KLF3: variants seen among roughly 807,000 people sequenced by gnomAD.
The protein encoded by KLF3 is KLF transcription factor 3, also known as Krueppel-like factor 3.
KLF3 carries 6 observed loss-of-function variants against 32.7 expected under a neutral mutation model. The observed-to-expected ratio is 0.18, with a 90% CI of 0.10 to 0.36. The LOEUF is 0.36. KLF3 is among the 10% of genes least tolerant of loss of function. The pLI is 1.00. For missense variants in KLF3, 338 were observed against 449.7 expected (o/e 0.75, Z 2.25); for synonymous variants, 145 against 172.8 (o/e 0.84, Z 1.26).
intron 5 of KLF3, among the ~76,000 whole-genome samples, 162 bp downstream of exon 5, chr4:38,695,068 A>G (rs766042892): frequency 1.7e-4 from 26 of 152,232 alleles, no homozygotes; most frequent in Admixed American, 3.9e-4. Context: ...GATATTGCTA[A>G]TGATTTGCCT....
chr4:38,695,625 T>C (rs1723026399), intron 5 of KLF3, among the ~76,000 whole-genome samples: 1 of 152,146 alleles, frequency 6.6e-6, no homozygotes, highest in South Asian at 2.1e-4. Context: ...TGGTCCCAGC[T>C]CCTTGGGAGG....
chr4:38,676,959 T>G lies in KLF3; in HGVS notation c.-39-3628T>G, dbSNP rs866975826. Among the ~76,000 whole-genome samples, 290 of 66,076 alleles carry G rather than the reference T, an allele frequency of 4.4e-3. 1 individual carries two copies. Among genetic ancestry groups the G allele is most frequent in the South Asian group, 0.04 (31 of 770 alleles). The allele number at this position is 66,076 out of a possible 152,430, so 43.3% of individuals were successfully genotyped here. On this transcript the variant is annotated intron_variant, in intron 1 of 5. Coordinates refer to ENST00000261438, the MANE Select transcript of KLF3 (RefSeq NM_016531.6). ...CAGGTTCTGTTAGTGCCAGTGTGTT[T>G]TTTTTTTTTTTTTTTTTTGAGACCA... is the stretch of plus-strand genomic sequence containing the variant.
intron 1 of KLF3, 93 bp from the exon 2 acceptor site, chr4:38,680,494 G>C: frequency 1.6e-6 from 1 of 645,024 alleles, no homozygotes; most frequent in Non-Finnish European, 2.9e-6. Context: ...GATTACAGGG[G>C]TGAGCCACCT....
intron 1 of KLF3, chr4:38,664,997 C>T (rs1414772888): frequency 6.9e-6 from 1 of 145,374 alleles, no homozygotes; most frequent in East Asian, 2.1e-4. Context: ...TCCGCCCGCG[C>T]CCCCCGCCGC....
At position 38,674,917 on chromosome 4, in the gene KLF3, G is replaced by T. The variant is rs1029155087; in HGVS notation, c.-39-5670G>T. 6.6e-6 allele frequency among the ~76,000 whole-genome samples: 1 copy of T among 152,144 alleles called. No homozygotes were observed. The highest frequency in any genetic ancestry group is 2.4e-5 in the African/African-American group (1 of 41,418). ...CTCCAGGCAAGCTGCTTTCAGAGGA[G>T]GTTTAGTAACCCCCTAACCTCGTCT... On this transcript the variant is annotated intron_variant, in intron 1 of 5. Coordinates refer to ENST00000261438, the MANE Select transcript of KLF3 (RefSeq NM_016531.6). This position sits in a 1 kb window ranked among gnomAD's most constrained non-coding sequence, Gnocchi z 4.1.
intron 5 of KLF3, among the ~76,000 whole-genome samples, 164 bp from the exon 6 acceptor site, chr4:38,696,918 T>A (rs975491477): frequency 6.6e-6 from 1 of 152,182 alleles, no homozygotes; most frequent in East Asian, 1.9e-4. Context: ...ACGGTATTAG[T>A]TCATTTTCTT....
At chr4:38,670,105 G>A (rs1012001687) in intron 1 of KLF3, among the ~76,000 whole-genome samples, 3 of 151,962 alleles carry the variant, frequency 2.0e-5, no homozygotes, top group Non-Finnish European at 2.9e-5. Context: ...CCATTGTGTC[G>A]GCAGGCTGAA....
At chr4:38,681,505 C>A (rs1722524578) in intron 2 of KLF3, among the ~76,000 whole-genome samples, 1 of 152,136 alleles carries the variant, frequency 6.6e-6, no homozygotes, top group Non-Finnish European at 1.5e-5. Flanking sequence ...CTAAGCCAGC[C>A]CCTCATGGGA....
At chr4:38,696,450 G>A (rs1397418201) in intron 5 of KLF3, among the ~76,000 whole-genome samples, 1 of 152,100 alleles carries the variant, frequency 6.6e-6, no homozygotes, top group African/African-American at 2.4e-5. Flanking sequence ...TTCTCACAAG[G>A]AGCTTTTGTT....
intron 2 of KLF3, 99 bp downstream of exon 2, chr4:38,680,781 T>C: frequency 2.2e-6 from 2 of 925,202 alleles, no homozygotes; most frequent in Non-Finnish European, 1.7e-6. Flanking sequence ...CCGGGCGTGG[T>C]GGCTCACGCC....
chr4:38,697,204 C>T lies in KLF3; in HGVS notation c.979C>T (p.Arg327Cys). 2.5e-6 allele frequency: 4 copies of T among 1,614,056 alleles called. No individual in the cohort carries two copies. Among genetic ancestry groups the T allele is most frequent in the Non-Finnish European group, 3.4e-6 (4 of 1,179,976 alleles). The change falls in exon 6 of 6, where the codon CGC becomes TGC. Residue 327 changes from arginine to cysteine, a missense_variant. Physicochemically the swap from Arg to Cys is radical, Grantham distance 180 (BLOSUM62 -3). Coordinates refer to ENST00000261438, the MANE Select transcript of KLF3 (RefSeq NM_016531.6). The stretch of plus-strand genomic sequence containing the variant: ...ACCTTTCCAGTGCCCGGACTGTGAC[C>T]GCAGCTTCTCCCGTTCTGACCATCT... ...IKPFQCPDCD[R>C]SFSRSDHLAL...
chr4:38,682,080 A>G (rs1041248719), intron 2 of KLF3, among the ~76,000 whole-genome samples: 2 of 152,262 alleles, frequency 1.3e-5, no homozygotes, highest in Admixed American at 6.5e-5. Flanking sequence ...ACTTTTTGAG[A>G]TGGAGTCTCA....
intron 2 of KLF3, among the ~76,000 whole-genome samples, chr4:38,682,204 G>GCC (rs1722547070): frequency 1.3e-5 from 2 of 152,070 alleles, no homozygotes; most frequent in East Asian, 1.9e-4. Flanking sequence ...GATTACAGGC[G>GCC]CATGCCACCA....
chr4:38,681,270 G>GT (rs1215027858), intron 2 of KLF3, among the ~76,000 whole-genome samples: 2 of 152,162 alleles, frequency 1.3e-5, no homozygotes, highest in African/African-American at 4.8e-5. Context: ...CATGACAGAA[G>GT]TAAGTTTACA....
chr4:38,679,184 A>G (rs921935221), intron 1 of KLF3, among the ~76,000 whole-genome samples: 1 of 152,226 alleles, frequency 6.6e-6, no homozygotes, highest in Admixed American at 6.5e-5. Flanking sequence ...AAACAAGCTA[A>G]TATTCTTCAT....
chr4:38,677,155 T>C (rs1722380329), intron 1 of KLF3, among the ~76,000 whole-genome samples: 1 of 151,874 alleles, frequency 6.6e-6, no homozygotes, highest in Non-Finnish European at 1.5e-5. Flanking sequence ...AGAAACGGGG[T>C]TTCACCACGT....
chr4:38,672,396 A>G (rs1048762919), intron 1 of KLF3, among the ~76,000 whole-genome samples: 5 of 152,148 alleles, frequency 3.3e-5, no homozygotes, highest in African/African-American at 1.2e-4. Flanking sequence ...GGGAAAGCTA[A>G]GAGGCCTAGA....
At chr4:38,680,871 A>G in intron 2 of KLF3, 189 bp downstream of exon 2, 1 of 448,162 alleles carries the variant, frequency 2.2e-6, no homozygotes, top group South Asian at 2.2e-5. Context: ...ACCAACATGA[A>G]GAAACCCCGT....
In KLF3 at chr4:38,699,215, C is replaced by T. The variant is rs1447085225; in HGVS notation, c.*1952C>T. ...AACTTCTTTAGGATACTAAAACATC[C>T]TAATTGGGCTGTTTTTTTGTTTTGT... is the stretch of plus-strand genomic sequence containing the variant. On this transcript the variant is annotated 3_prime_UTR_variant, in exon 6 of 6. Transcript: ENST00000261438. 1 of 152,016 alleles carries T rather than the reference C, an allele frequency of 6.6e-6. No homozygotes were observed. Among genetic ancestry groups the T allele is most frequent in the Non-Finnish European group, 1.5e-5 (1 of 67,996 alleles). The allele number at this position is 152,016 out of a possible 1,614,324, so 9.4% of individuals were successfully genotyped here. A position where few individuals can be genotyped will look rare whatever the true frequency, so the allele number is the denominator to read the frequency against.
Sources: gnomAD v4.1 joint callset for allele counts (sites outside exome capture counted in the v4.1 genomes callset) on GRCh38, gnomAD v4.1.1 for gene constraint, Gnocchi (gnomAD v3.1) non-coding constraint, MANE v1.5 for transcripts, NCBI Gene and HGNC (gene_info 2026-07-23, HGNC 2026-07-21) for gene names.